UGT1A3: variants seen among roughly 807,000 people sequenced by gnomAD.
UGT1A3 encodes UDP-glucuronosyltransferase 1A3.
A neutral mutation model predicts 41.0 loss-of-function variants in UGT1A3; 31 were observed. The ratio of observed to expected loss-of-function variants is 0.76; its 90% CI spans 0.57 to 1.02. The LOEUF is 1.02. UGT1A3 is among the 50% of genes least tolerant of loss of function. The probability of loss-of-function intolerance (pLI) is 0.00; values close to 1 mark genes in which losing one functional copy is unlikely to be tolerated. For synonymous variants in UGT1A3, 262 were observed against 257.6 expected (o/e 1.02, Z -0.17); for missense variants, 737 against 671.0 (o/e 1.10, Z -1.09).
Position 233,772,442 on chromosome 2 carries a change from C to T in UGT1A3, c.1488C>T (p.Leu496=), listed in dbSNP as rs1249728637. The T allele has an allele frequency of 1.2e-6, 2 of 1,614,208 alleles. No individual in the cohort carries two copies. Among genetic ancestry groups the T allele is most frequent in the Admixed American group, 3.3e-5 (2 of 60,020 alleles). ...ATTCCTTGGACGTGATTGGTTTCCTCTTGGCCGTCGTGCTGACAGTGGCCT... is the reference window on the plus strand; with the variant it reads ...ATTCCTTGGACGTGATTGGTTTCCTTTTGGCCGTCGTGCTGACAGTGGCCT... ...QYHSLDVIGF[L]LAVVLTVAFI... Residue 496 remains leucine, a synonymous_variant, in exon 5 of 5, where the codon CTC becomes CTT. Coordinates refer to ENST00000482026, the MANE Select transcript of UGT1A3 (RefSeq NM_019093.4).
rs765390164 is a variant in UGT1A3 at position 233,768,290 on chromosome 2, C to T, written c.1158C>T (p.Gly386=). ...SHGVYESICN[G]VPMVMMPLFG... is the part of the protein sequence containing the mutation. Reference sequence around the variant, plus strand: ...GTGTTTATGAAAGCATATGCAATGGCGTTCCCATGGTGATGATGCCCTTGT... The same window carrying T: ...GTGTTTATGAAAGCATATGCAATGGTGTTCCCATGGTGATGATGCCCTTGT... Residue 386 remains glycine, a synonymous_variant, in exon 4 of 5, where the codon GGC becomes GGT. Coordinates refer to ENST00000482026, the MANE Select transcript of UGT1A3 (RefSeq NM_019093.4). The T allele has an allele frequency of 5.0e-6, 8 of 1,614,064 alleles. No individual in the cohort carries two copies. Among genetic ancestry groups the T allele is most frequent in the African/African-American group, 2.7e-5 (2 of 74,922 alleles).
rs10445705 is a variant in UGT1A3 at position 233,768,141 on chromosome 2, G to A, written c.1088-79G>A. Reference sequence around the variant, plus strand: ...ATGTGAGTAACACTGAGTCTTTGGAGTGTTTTCAGAACCTAGATGTGTCCA... The same window carrying A: ...ATGTGAGTAACACTGAGTCTTTGGAATGTTTTCAGAACCTAGATGTGTCCA... On this transcript the variant is annotated intron_variant, in intron 3 of 4. Coordinates refer to ENST00000482026, the MANE Select transcript of UGT1A3 (RefSeq NM_019093.4). The A allele has an allele frequency of 3.8e-3, 6,135 of 1,610,076 alleles. 218 individuals carry two copies. The African/African-American group carries it at 0.07, about 18-fold the overall frequency.
intron 1 of UGT1A3, among the ~76,000 whole-genome samples, chr2:233,750,216 G>A (rs192238866): frequency 1.3e-5 from 2 of 151,994 alleles, no homozygotes; most frequent in Middle Eastern, 3.4e-3. Flanking sequence ...AGTCTCAGAT[G>A]GAGATGAGGA....
intron 1 of UGT1A3, among the ~76,000 whole-genome samples, chr2:233,761,417 G>A (rs1445848635): frequency 6.6e-6 from 1 of 152,202 alleles, no homozygotes; most frequent in Non-Finnish European, 1.5e-5. Context: ...GAAACAACAA[G>A]CTGTTAAATG....
chr2:233,736,616 C>T (rs1448370829), intron 1 of UGT1A3, among the ~76,000 whole-genome samples: 1 of 152,208 alleles, frequency 6.6e-6, no homozygotes, highest in Non-Finnish European at 1.5e-5. Flanking sequence ...TTAGAATTTT[C>T]AGCTTTTCTG....
In UGT1A3 at chr2:233,760,439, A is replaced by C. The variant is rs1697446829; in HGVS notation, c.868-6595A>C. ...ATGCTTGGGGCCATCCAGCAGCTGC[A>C]GCAGAGGGGACATGAAATAGTTGTC... On this transcript the variant is annotated intron_variant, in intron 1 of 4. Transcript: ENST00000482026. 6.2e-7 allele frequency: 1 copy of C among 1,614,254 alleles called. No individual in the cohort carries two copies. The highest frequency in any genetic ancestry group is 1.7e-5 in the Admixed American group (1 of 60,030).
intron 1 of UGT1A3, among the ~76,000 whole-genome samples, chr2:233,765,617 G>A (rs988431612): frequency 6.6e-6 from 1 of 151,904 alleles, no homozygotes; most frequent in Non-Finnish European, 1.5e-5. Flanking sequence ...GGGGTGAGGG[G>A]TGAGGGGAGG....
chr2:233,733,594 G>A (rs1409734181), intron 1 of UGT1A3, among the ~76,000 whole-genome samples: 1 of 152,164 alleles, frequency 6.6e-6, no homozygotes, highest in African/African-American at 2.4e-5. Context: ...TTCTGTTTAT[G>A]TGATGGATTA....
chr2:233,771,360 A>G (rs1369585648), intron 4 of UGT1A3: 1 of 151,838 alleles, frequency 6.6e-6, no homozygotes, highest in African/African-American at 2.4e-5. Flanking sequence ...GGGTTGAAGC[A>G]CCTAACCCGT....
intron 1 of UGT1A3, chr2:233,741,606 TTCAG>T (rs1691716014): frequency 1.3e-5 from 2 of 151,870 alleles, no homozygotes; most frequent in South Asian, 4.1e-4. Context: ...GATTTCAGAG[TTCAG>T]TGTCAGACCC....
chr2:233,760,386 C>A, intron 1 of UGT1A3: 1 of 1,614,180 alleles, frequency 6.2e-7, no homozygotes. Flanking sequence ...TACTGTTGAT[C>A]CCAGTGGATG....
intron 1 of UGT1A3, among the ~76,000 whole-genome samples, chr2:233,738,158 C>T (rs1307511207): frequency 6.6e-6 from 1 of 152,194 alleles, no homozygotes; most frequent in Admixed American, 6.5e-5. Flanking sequence ...AGCTATTCCT[C>T]TTTCTCTCTT....
At chr2:233,733,813 G>T (rs2078440329) in intron 1 of UGT1A3, among the ~76,000 whole-genome samples, 1 of 152,202 alleles carries the variant, frequency 6.6e-6, no homozygotes, top group East Asian at 1.9e-4. Context: ...GATGATGCTG[G>T]CCTCATAAAA....
At chr2:233,764,907 A>G (rs1698684591) in intron 1 of UGT1A3, among the ~76,000 whole-genome samples, 1 of 152,198 alleles carries the variant, frequency 6.6e-6, no homozygotes, top group Non-Finnish European at 1.5e-5. Flanking sequence ...TAAGAGCCAG[A>G]GGACTCACGA....
intron 1 of UGT1A3, among the ~76,000 whole-genome samples, chr2:233,750,335 T>C (rs1295665958): frequency 6.6e-6 from 1 of 151,930 alleles, no homozygotes; most frequent in Non-Finnish European, 1.5e-5. Context: ...TTCAGAGAGA[T>C]GATCTGAAAT....
chr2:233,737,300 G>T (rs1006795480), intron 1 of UGT1A3, among the ~76,000 whole-genome samples: 5 of 152,240 alleles, frequency 3.3e-5, no homozygotes, highest in Admixed American at 2.0e-4. Context: ...CCGCCTCACA[G>T]TTCAATCTCA....
chr2:233,750,785 G>A (rs1694560373), intron 1 of UGT1A3: 1 of 151,946 alleles, frequency 6.6e-6, no homozygotes. Context: ...TGGGTACACA[G>A]AAGATAAGAA....
intron 1 of UGT1A3, chr2:233,754,955 G>A (rs767638744): frequency 7.6e-6 from 10 of 1,314,252 alleles, no homozygotes; most frequent in South Asian, 1.1e-5. Context: ...GGTCCCGGCC[G>A]CCAAAGAACT....
In UGT1A3 at chr2:233,772,876, C is replaced by T. The variant is rs906785821; in HGVS notation, c.*317C>T. The T allele has an allele frequency of 2.8e-5, 17 of 598,574 alleles. No homozygotes were observed. The highest frequency in any genetic ancestry group is 1.0e-4 in the East Asian group (2 of 19,556). 37.1% of individuals were successfully genotyped at this position (598,574 alleles called of 1,614,324 possible). ...CTGAAACATGGCCTGTTTGGGAGTG[C>T]GGGATTCAAAGGTGGTCCCACGGCT... On this transcript the variant is annotated 3_prime_UTR_variant, in exon 5 of 5. Coordinates refer to ENST00000482026, the MANE Select transcript of UGT1A3 (RefSeq NM_019093.4).
Sources: allele counts gnomAD v4.1 joint callset (sites outside exome capture counted in the v4.1 genomes callset), GRCh38; gene constraint gnomAD v4.1.1; transcripts MANE v1.5; gene names NCBI Gene and HGNC (gene_info 2026-07-23, HGNC 2026-07-21).